THSD7B: variants seen among roughly 807,000 people sequenced by gnomAD.
THSD7B encodes the protein thrombospondin type-1 domain-containing protein 7B.
THSD7B carries 138 observed loss-of-function variants against 213.6 expected under a neutral mutation model. That is an observed-to-expected ratio of 0.65 (90% CI 0.56 to 0.74). The LOEUF is 0.74. Among genes scored for constraint, THSD7B ranks in the 30% least tolerant of loss-of-function variants. THSD7B has a pLI of 0.00. For synonymous variants in THSD7B, 742 were observed against 687.0 expected (o/e 1.08, Z -1.25); for missense variants, 1,931 against 1,991.5 (o/e 0.97, Z 0.58).
chr2:137,141,320 A>G (rs1026117592), intron 5 of THSD7B, among the ~76,000 whole-genome samples: 3 of 152,160 alleles, frequency 2.0e-5, no homozygotes, highest in African/African-American at 7.2e-5. Context: ...CATCTTCTGT[A>G]GAGAATTTAT....
chr2:137,184,903 A>G (rs1418257337), intron 7 of THSD7B, among the ~76,000 whole-genome samples: 2 of 152,210 alleles, frequency 1.3e-5, no homozygotes, highest in Non-Finnish European at 2.9e-5. Flanking sequence ...ACTCTCCCAA[A>G]ATGAAATTAT....
chr2:137,012,355 T>G (rs1176350116), intron 2 of THSD7B, among the ~76,000 whole-genome samples: 2 of 152,196 alleles, frequency 1.3e-5, no homozygotes, highest in East Asian at 3.8e-4. Context: ...GCTAGCTCCT[T>G]ATGCAAAAGA....
At chr2:137,630,168 A>G (rs921030385) in intron 20 of THSD7B, among the ~76,000 whole-genome samples, 4 of 151,794 alleles carry the variant, frequency 2.6e-5, no homozygotes, top group African/African-American at 9.7e-5. Flanking sequence ...TAAATTTTCT[A>G]TTTTTTGTAG....
At chr2:137,074,693 C>T (rs566590030) in intron 3 of THSD7B, among the ~76,000 whole-genome samples, 9 of 152,286 alleles carry the variant, frequency 5.9e-5, no homozygotes, top group South Asian at 4.1e-4. Context: ...ACGGTCTTTA[C>T]AATTTGGCAT....
chr2:137,571,590 G>T (rs1300621513), intron 16 of THSD7B, among the ~76,000 whole-genome samples: 1 of 152,148 alleles, frequency 6.6e-6, no homozygotes, highest in Non-Finnish European at 1.5e-5. Context: ...GCCAGCTTTT[G>T]ATATTTTCCA....
At chr2:137,393,448 A>G (rs1272515992) in intron 12 of THSD7B, among the ~76,000 whole-genome samples, 1 of 149,488 alleles carries the variant, frequency 6.7e-6, no homozygotes, top group Non-Finnish European at 1.5e-5. Flanking sequence ...ACTGAGAATG[A>G]TGATTTCCAA....
rs549789351 is a variant in THSD7B at position 137,450,897 on chromosome 2, C to T, written c.3012C>T (p.Ser1004=). Residue 1004 remains serine, a synonymous_variant, in exon 15 of 28, where the codon AGC becomes AGT. Coordinates refer to ENST00000409968, the MANE Select transcript of THSD7B (RefSeq NM_001316349.2). ...VIPCPFDCKL[S]DWSSWGSCSS... ...CCTGCCCATTTGATTGCAAGTTAAG[C>T]GATTGGTCTAGTTGGGGGTCTTGCA... 3.9e-5 allele frequency: 63 copies of T among 1,611,612 alleles called. 1 individual carries two copies. The Middle Eastern group carries it at 8.3e-4, about 21-fold the overall frequency.
chr2:137,574,440 C>T (rs1382987139), intron 17 of THSD7B, among the ~76,000 whole-genome samples: 1 of 152,032 alleles, frequency 6.6e-6, no homozygotes, highest in Non-Finnish European at 1.5e-5. Flanking sequence ...TGCTTATGTA[C>T]CTTCCAAGTT....
chr2:137,559,913 C>T (rs1681071848), intron 15 of THSD7B, among the ~76,000 whole-genome samples: 1 of 152,158 alleles, frequency 6.6e-6, no homozygotes, highest in East Asian at 1.9e-4. Flanking sequence ...TATGAACAGA[C>T]ACCTCTTAAA....
chr2:137,073,501 G>A (rs528438154), intron 3 of THSD7B, among the ~76,000 whole-genome samples: 44 of 152,070 alleles, frequency 2.9e-4, no homozygotes, highest in Admixed American at 8.5e-4. Flanking sequence ...TCTTGCTAGC[G>A]GTCTATCAAT....
In THSD7B at chr2:137,279,003, T is replaced by G. The variant is rs116782380; in HGVS notation, c.2500+2977T>G. ...TGATTCAACAATGTTGAGAGTTTAGTGAAGGGACCTGGGAGGTGTTGTCTT... is the reference window on the plus strand; with the variant it reads ...TGATTCAACAATGTTGAGAGTTTAGGGAAGGGACCTGGGAGGTGTTGTCTT... On this transcript the variant is annotated intron_variant, in intron 12 of 27. Coordinates refer to ENST00000409968, the MANE Select transcript of THSD7B (RefSeq NM_001316349.2). 5.9e-3 allele frequency among the ~76,000 whole-genome samples: 895 copies of G among 152,182 alleles called. 9 individuals are homozygous for G. The highest frequency in any genetic ancestry group is 0.02 in the African/African-American group (814 of 41,532).
Position 137,663,542 on chromosome 2 carries a change from T to G in THSD7B, c.4618T>G (p.Phe1540Val). The change falls in exon 26 of 28, where the codon TTT becomes GTT. Residue 1540 changes from phenylalanine to valine, a missense_variant. Phe to Val is a conservative substitution (Grantham distance 50). Coordinates refer to ENST00000409968, the MANE Select transcript of THSD7B (RefSeq NM_001316349.2). ...RPVNSKIHDI[F>V]KGWSLQPLDP... ...TGTGAATTCAAAAATACATGATATTTTTAAAGGATGGTCTCTTCAACCACT... is the reference window on the plus strand; with the variant it reads ...TGTGAATTCAAAAATACATGATATTGTTAAAGGATGGTCTCTTCAACCACT... 6.2e-7 allele frequency: 1 copy of G among 1,609,132 alleles called. No homozygotes were observed. The highest frequency in any genetic ancestry group is 8.5e-7 in the Non-Finnish European group (1 of 1,177,474).
At chr2:137,428,010 A>C (rs945790740) in intron 14 of THSD7B, among the ~76,000 whole-genome samples, 1 of 152,168 alleles carries the variant, frequency 6.6e-6, no homozygotes, top group Non-Finnish European at 1.5e-5. Context: ...ATAATGTATA[A>C]GGACAACATA....
chr2:137,307,419 A>G (rs1392767346), intron 12 of THSD7B, among the ~76,000 whole-genome samples: 1 of 152,088 alleles, frequency 6.6e-6, no homozygotes, highest in African/African-American at 2.4e-5. Flanking sequence ...CTCTAGGAAC[A>G]TGTCTCGACA....
intron 12 of THSD7B, among the ~76,000 whole-genome samples, chr2:137,306,995 T>A (rs2104854537): frequency 6.6e-6 from 1 of 152,292 alleles, no homozygotes; most frequent in Admixed American, 6.5e-5. Context: ...ATCTGCATTG[T>A]CTTTGTTCAT....
chr2:137,196,770 A>G (rs1458350083), intron 7 of THSD7B, among the ~76,000 whole-genome samples: 2 of 152,158 alleles, frequency 1.3e-5, no homozygotes, highest in African/African-American at 2.4e-5. Context: ...AATGAATGTC[A>G]TGTTTAGACT....
chr2:137,282,806 A>T (rs1490315141), intron 12 of THSD7B, among the ~76,000 whole-genome samples: 1 of 152,166 alleles, frequency 6.6e-6, no homozygotes, highest in Non-Finnish European at 1.5e-5. Context: ...TGGTTACTGT[A>T]GCCTTGTAGT....
At chr2:137,325,869 C>T (rs1230774852) in intron 12 of THSD7B, among the ~76,000 whole-genome samples, 1 of 152,172 alleles carries the variant, frequency 6.6e-6, no homozygotes, top group African/African-American at 2.4e-5. Flanking sequence ...TCTTCATTTG[C>T]TGGTTTTCCG....
intron 15 of THSD7B, among the ~76,000 whole-genome samples, chr2:137,491,560 A>T (rs1224045723): frequency 6.6e-6 from 1 of 152,166 alleles, no homozygotes; most frequent in Non-Finnish European, 1.5e-5. Flanking sequence ...AGCTAAATGG[A>T]CTAGTATTCC....
Sources: allele counts gnomAD v4.1 joint callset (sites outside exome capture counted in the v4.1 genomes callset), GRCh38; gene constraint gnomAD v4.1.1; transcripts MANE v1.5; gene names NCBI Gene and HGNC (gene_info 2026-07-23, HGNC 2026-07-21).